ANKRD17: variants seen among roughly 807,000 people sequenced by gnomAD.
ANKRD17 encodes the protein ankyrin repeat domain 17.
A neutral mutation model predicts 229.7 loss-of-function variants in ANKRD17; 19 were observed. The observed-to-expected ratio is 0.08, with a 90% CI of 0.06 to 0.12. The LOEUF is 0.12. Ranked by LOEUF, ANKRD17 falls within the 10% of genes least tolerant of loss-of-function variation. The probability of loss-of-function intolerance (pLI) is 1.00; values close to 1 mark genes in which losing one functional copy is unlikely to be tolerated. For missense variants in ANKRD17, 2,176 were observed against 3,176.8 expected, an observed-to-expected ratio of 0.68 and a Z score of 7.57; for synonymous variants, 1,112 against 1,146.1, an observed-to-expected ratio of 0.97 and a Z score of 0.60.
intron 1 of ANKRD17, among the ~76,000 whole-genome samples, chr4:73,249,899 ATAGTT>A (rs1335749161): frequency 6.6e-6 from 1 of 152,142 alleles, no homozygotes; most frequent in African/African-American, 2.4e-5. Flanking sequence ...AAGAAAGAAT[ATAGTT>A]AAGTAAAATC....
chr4:73,222,852 G>T, intron 1 of ANKRD17: 1 of 793,748 alleles, frequency 1.3e-6, no homozygotes. Context: ...ACCGTGTCTT[G>T]CTTTTATGCT....
chr4:73,247,767 A>G (rs770140028), intron 1 of ANKRD17, among the ~76,000 whole-genome samples: 3 of 151,992 alleles, frequency 2.0e-5, no homozygotes, highest in Admixed American at 2.0e-4. Context: ...ATTTGAAGAA[A>G]GCTCATCAAT....
In ANKRD17 at chr4:73,074,810, A is replaced by G. The variant is rs1389681026; in HGVS notation, c.*1421T>C. 2 of 152,454 alleles carry G rather than the reference A, an allele frequency of 1.3e-5. No individual in the cohort carries two copies. Among genetic ancestry groups the G allele is most frequent in the African/African-American group, 4.8e-5 (2 of 41,448 alleles). 9.4% of individuals were successfully genotyped at this position (152,454 alleles called of 1,614,324 possible). A position where few individuals can be genotyped will look rare whatever the true frequency, so the allele number is the denominator to read the frequency against. ...TATACATTACTCGATTTTTATGCTT[A>G]CTTTCTTTTACATTTCAACCATATA... On this transcript the variant is annotated 3_prime_UTR_variant, in exon 34 of 34. Coordinates refer to ENST00000358602, the MANE Select transcript of ANKRD17 (RefSeq NM_032217.5).
chr4:73,097,073 G>A (rs1723386874), intron 27 of ANKRD17, 44 bp downstream of exon 27: 1 of 1,573,726 alleles, frequency 6.4e-7, no homozygotes, highest in African/African-American at 1.4e-5. Context: ...ACACTTGACT[G>A]TGATATATAG....
chr4:73,197,444 A>C (rs1738037769), intron 1 of ANKRD17, among the ~76,000 whole-genome samples: 1 of 152,220 alleles, frequency 6.6e-6, no homozygotes, highest in Non-Finnish European at 1.5e-5. Flanking sequence ...GAACTCTGAG[A>C]GAAAGAAACA....
intron 24 of ANKRD17, among the ~76,000 whole-genome samples, chr4:73,106,208 C>A (rs996715671): frequency 6.6e-6 from 1 of 151,954 alleles, no homozygotes; most frequent in Non-Finnish European, 1.5e-5. Context: ...CGCGCCACTG[C>A]ACTCCAGCCT....
At chr4:73,239,458 A>G (rs543026182) in intron 1 of ANKRD17, among the ~76,000 whole-genome samples, 130 of 152,352 alleles carry the variant, frequency 8.5e-4, no homozygotes, top group Middle Eastern at 3.4e-3. Context: ...AGCCATTTAA[A>G]GGACTAAGAT....
chr4:73,155,538 T>A, intron 5 of ANKRD17, 93 bp downstream of exon 5: 1 of 1,433,690 alleles, frequency 7.0e-7, no homozygotes, highest in Non-Finnish European at 9.6e-7. Context: ...ATAAGAGAAC[T>A]GAAAAATTAG....
chr4:73,208,897 C>G (rs910600706), intron 1 of ANKRD17, among the ~76,000 whole-genome samples: 1 of 151,908 alleles, frequency 6.6e-6, no homozygotes, highest in African/African-American at 2.4e-5. Context: ...AAAATAAGAG[C>G]AGAAATCAAT....
At chr4:73,176,981 A>C (rs1211053771) in intron 2 of ANKRD17, among the ~76,000 whole-genome samples, 1 of 152,212 alleles carries the variant, frequency 6.6e-6, no homozygotes, top group African/African-American at 2.4e-5. Flanking sequence ...GTAGAGCATC[A>C]CTTTGTTCGA....
chr4:73,257,270 T>G (rs1476978865), intron 1 of ANKRD17, among the ~76,000 whole-genome samples: 1 of 152,208 alleles, frequency 6.6e-6, no homozygotes, highest in Non-Finnish European at 1.5e-5. Flanking sequence ...TAACTCTCAG[T>G]TGGTTGTCAG....
At chr4:73,101,664 C>CAAAA (rs71215484) in intron 25 of ANKRD17, among the ~76,000 whole-genome samples, 44,450 of 110,894 alleles carry the variant, frequency 0.4, 9,891 homozygotes, top group Admixed American at 0.47. Flanking sequence ...GACTCGGTCT[C>CAAAA]AAAAAAAAAA....
At chr4:73,159,949 CCT>C (rs1194911202) in intron 3 of ANKRD17, among the ~76,000 whole-genome samples, 1 of 152,226 alleles carries the variant, frequency 6.6e-6, no homozygotes, top group East Asian at 1.9e-4. Flanking sequence ...TACTATCTAA[CCT>C]CTCTTTTATG....
chr4:73,217,156 A>T (rs1463568313), intron 1 of ANKRD17, among the ~76,000 whole-genome samples: 1 of 152,214 alleles, frequency 6.6e-6, no homozygotes, highest in Non-Finnish European at 1.5e-5. Flanking sequence ...TAATTACCAG[A>T]CTACGATGGA....
chr4:73,165,612 A>AT (rs1733127920), intron 2 of ANKRD17, among the ~76,000 whole-genome samples: 1 of 152,154 alleles, frequency 6.6e-6, no homozygotes, highest in African/African-American at 2.4e-5. Context: ...AATTTGACAG[A>AT]TTTTACTCCC....
At chr4:73,158,944 A>T (rs1462295173) in intron 3 of ANKRD17, among the ~76,000 whole-genome samples, 2 of 152,222 alleles carry the variant, frequency 1.3e-5, no homozygotes, top group Non-Finnish European at 2.9e-5. Flanking sequence ...TGTAAGAAAT[A>T]AATTCCTTTT....
chr4:73,221,808 T>C (rs1388587171), intron 1 of ANKRD17, among the ~76,000 whole-genome samples: 1 of 152,202 alleles, frequency 6.6e-6, no homozygotes, highest in Non-Finnish European at 1.5e-5. Flanking sequence ...TTGGCAGGTG[T>C]CTGCAAGGAG....
intron 2 of ANKRD17, among the ~76,000 whole-genome samples, chr4:73,171,335 C>T (rs572225338): frequency 6.6e-6 from 1 of 152,210 alleles, no homozygotes; most frequent in South Asian, 2.1e-4. Flanking sequence ...CTCTATGAAT[C>T]CATAAAAAAT....
chr4:73,096,417 C>T (rs749845993), intron 27 of ANKRD17, among the ~76,000 whole-genome samples: 4 of 152,042 alleles, frequency 2.6e-5, no homozygotes, highest in Non-Finnish European at 5.9e-5. Flanking sequence ...ATAGGTATGA[C>T]GGGGACAAGA....
Sources: allele counts gnomAD v4.1 joint callset (sites outside exome capture counted in the v4.1 genomes callset), GRCh38; gene constraint gnomAD v4.1.1; transcripts MANE v1.5; gene names NCBI Gene and HGNC (gene_info 2026-07-23, HGNC 2026-07-21).